RAB3GAP2: variants seen among roughly 807,000 people sequenced by gnomAD.
RAB3GAP2 encodes the protein RAB3 GTPase activating non-catalytic protein subunit 2.
Under a neutral mutation model 185.3 loss-of-function variants are expected in RAB3GAP2, and 87 were observed. The observed-to-expected ratio is 0.47, with a 90% CI of 0.39 to 0.56. The LOEUF (loss-of-function observed/expected upper bound fraction) is 0.56, where lower values mean the gene tolerates loss of function less well. Among genes scored for constraint, RAB3GAP2 ranks in the 20% least tolerant of loss-of-function variants. The pLI, the probability that RAB3GAP2 is intolerant of heterozygous loss-of-function variation, is 0.00. For missense variants in RAB3GAP2, 1,492 were observed against 1,638.2 expected (o/e 0.91, Z 1.54); for synonymous variants, 554 against 576.1 (o/e 0.96, Z 0.55).
At chr1:220,196,522 G>T in intron 9 of RAB3GAP2, 124 bp from the exon 10 acceptor site, 1 of 1,017,070 alleles carries the variant, frequency 9.8e-7, no homozygotes, top group Non-Finnish European at 1.5e-6. Context: ...CATTTTAAAA[G>T]CTACAAAGTC....
Position 220,149,866 on chromosome 1 carries a change from T to G in RAB3GAP2, c.*1385A>C, listed in dbSNP as rs1453227164. 5 of 152,244 alleles carry G rather than the reference T, an allele frequency of 3.3e-5. No individual in the cohort carries two copies. The highest frequency in any genetic ancestry group is 1.2e-4 in the African/African-American group (5 of 41,466). 9.4% of individuals were successfully genotyped at this position (152,244 alleles called of 1,614,324 possible). On this transcript the variant is annotated 3_prime_UTR_variant, in exon 35 of 35. Transcript: ENST00000358951. ...TCAAAAAACAGATTTGTTTTTCTTT[T>G]TATATCCCTGAAGGACATACTCCTC...
At chr1:220,175,988 C>A (rs1051259486) in intron 21 of RAB3GAP2, among the ~76,000 whole-genome samples, 2 of 151,896 alleles carry the variant, frequency 1.3e-5, no homozygotes, top group African/African-American at 4.8e-5. Context: ...ATTGTAGAAT[C>A]ACTTATAAGC....
At chr1:220,194,499 TCTC>T (rs1429537941) in intron 12 of RAB3GAP2, among the ~76,000 whole-genome samples, 1 of 152,172 alleles carries the variant, frequency 6.6e-6, no homozygotes. Flanking sequence ...TTTGAGCAAT[TCTC>T]CTGCCTCAGC....
intron 26 of RAB3GAP2, among the ~76,000 whole-genome samples, 183 bp downstream of exon 26, chr1:220,167,110 C>T (rs185891670): frequency 3.3e-5 from 5 of 152,262 alleles, no homozygotes; most frequent in Admixed American, 3.3e-4. Flanking sequence ...CTATACTTCA[C>T]AGGTTTACTG....
intron 21 of RAB3GAP2, among the ~76,000 whole-genome samples, chr1:220,179,616 T>G (rs768673153): frequency 3.3e-5 from 5 of 152,184 alleles, no homozygotes. Context: ...AGACCATATG[T>G]TAGCCACAAA....
chr1:220,185,752 G>C lies in RAB3GAP2; in HGVS notation c.1780-11C>G, dbSNP rs1217248925. ...AATGCTTTCCAAAGCCTAGGAGAAA[G>C]ATATTGAACAGTTCTAGTAATTATA... On this transcript the variant is annotated splice_polypyrimidine_tract_variant and intron_variant, in intron 17 of 34. Coordinates refer to ENST00000358951, the MANE Select transcript of RAB3GAP2 (RefSeq NM_012414.4). 1 of 1,595,900 alleles carries C rather than the reference G, an allele frequency of 6.3e-7. No homozygotes were observed. The highest frequency in any genetic ancestry group is 1.1e-5 in the South Asian group (1 of 90,698).
At chr1:220,268,507 T>A (rs1362728349) in intron 1 of RAB3GAP2, among the ~76,000 whole-genome samples, 1 of 152,180 alleles carries the variant, frequency 6.6e-6, no homozygotes, top group Non-Finnish European at 1.5e-5. Flanking sequence ...CTGGAAAAGA[T>A]CAAAGTGCAA....
In RAB3GAP2 at chr1:220,222,988, C is replaced by CATT. The variant is rs1659335731; in HGVS notation, c.181-9010_181-9009insAAT. Among the ~76,000 whole-genome samples the CATT allele has an allele frequency of 3.3e-5, 5 of 152,264 alleles. 1 individual carries two copies. In the South Asian group the frequency reaches 1.0e-3, roughly 32 times the overall value. The stretch of plus-strand genomic sequence containing the variant: ...CATTTCATAAACAATTACAATGGAA[C>CATT]TCCAAAACTAAATGTATACTTCTCT... On this transcript the variant is annotated intron_variant, in intron 2 of 34. Transcript: ENST00000358951.
chr1:220,219,926 G>C (rs1659273484), intron 2 of RAB3GAP2, among the ~76,000 whole-genome samples: 1 of 152,174 alleles, frequency 6.6e-6, no homozygotes, highest in Non-Finnish European at 1.5e-5. Flanking sequence ...CTGACAAGAT[G>C]CAAGCTCATC....
At chr1:220,188,410 A>C (rs766040789) in intron 17 of RAB3GAP2, among the ~76,000 whole-genome samples, 1 of 152,210 alleles carries the variant, frequency 6.6e-6, no homozygotes, top group Non-Finnish European at 1.5e-5. Context: ...GGATCGAAGC[A>C]TTATGTAAGA....
At position 220,182,820 on chromosome 1, in the gene RAB3GAP2, TATC is replaced by T; in HGVS notation, c.2107_2109del (p.Asp703del). 1 of 1,613,576 alleles carries T rather than the reference TATC, an allele frequency of 6.2e-7. No homozygotes were observed. ...GTTTTTACAGGCAACACACCATCTT[TATC>T]ATCAGAAAATCGAACATTTGTCCTG... On this transcript the variant is annotated inframe_deletion, in exon 20 of 35. Coordinates refer to ENST00000358951, the MANE Select transcript of RAB3GAP2 (RefSeq NM_012414.4).
chr1:220,169,652 G>A (rs557236854), intron 24 of RAB3GAP2, among the ~76,000 whole-genome samples: 41 of 152,250 alleles, frequency 2.7e-4, no homozygotes, highest in African/African-American at 9.6e-4. Context: ...TGGATTCAAA[G>A]TCAAAAGTTA....
At chr1:220,174,851 C>T (rs1658257795) in intron 21 of RAB3GAP2, among the ~76,000 whole-genome samples, 1 of 152,124 alleles carries the variant, frequency 6.6e-6, no homozygotes, top group South Asian at 2.1e-4. Context: ...CATGTTCCTT[C>T]CACTTGCAAC....
chr1:220,192,005 T>A (rs1258274339), intron 13 of RAB3GAP2, among the ~76,000 whole-genome samples: 1 of 151,946 alleles, frequency 6.6e-6, no homozygotes, highest in East Asian at 1.9e-4. Context: ...TTTAGGGTGG[T>A]CCCTCACATA....
chr1:220,163,227 A>G (rs1571876664), intron 27 of RAB3GAP2, among the ~76,000 whole-genome samples: 2 of 152,174 alleles, frequency 1.3e-5, no homozygotes, highest in East Asian at 3.9e-4. Flanking sequence ...TATTATTACT[A>G]CCCTTGTAGC....
intron 27 of RAB3GAP2, among the ~76,000 whole-genome samples, chr1:220,164,298 T>C (rs995146684): frequency 2.0e-5 from 3 of 152,024 alleles, no homozygotes; most frequent in African/African-American, 7.2e-5. Flanking sequence ...ATTCCCTCTT[T>C]CCTTGGAAAG....
chr1:220,163,657 C>A (rs191402902), intron 27 of RAB3GAP2, among the ~76,000 whole-genome samples: 1 of 149,024 alleles, frequency 6.7e-6, no homozygotes, highest in Admixed American at 6.7e-5. Flanking sequence ...CCACTGCGTC[C>A]GGCAGTAACT....
At chr1:220,175,419 A>C (rs1297928330) in intron 21 of RAB3GAP2, among the ~76,000 whole-genome samples, 1 of 151,986 alleles carries the variant, frequency 6.6e-6, no homozygotes, top group Non-Finnish European at 1.5e-5. Context: ...GGGTTTCACT[A>C]TGTTGGCCAG....
intron 17 of RAB3GAP2, among the ~76,000 whole-genome samples, chr1:220,186,375 T>C (rs1400022978): frequency 6.6e-6 from 1 of 152,214 alleles, no homozygotes; most frequent in African/African-American, 2.4e-5. Flanking sequence ...TGAGATTAAA[T>C]AGTTCAAAAA....
Sources: gnomAD v4.1 joint callset for allele counts (sites outside exome capture counted in the v4.1 genomes callset) on GRCh38, gnomAD v4.1.1 for gene constraint, MANE v1.5 for transcripts, NCBI Gene and HGNC (gene_info 2026-07-23, HGNC 2026-07-21) for gene names.